GRIN2A: variants seen among roughly 807,000 people sequenced by gnomAD.
GRIN2A encodes the protein glutamate ionotropic receptor NMDA type subunit 2A, also known as glutamate receptor ionotropic, NMDA 2A.
In GRIN2A, 22 loss-of-function variants were observed where a neutral mutation model predicts 113.4. The ratio of observed to expected loss-of-function variants is 0.19; its 90% confidence interval spans 0.14 to 0.28. The LOEUF is 0.28. GRIN2A is among the 10% of genes least tolerant of loss of function. The pLI is 1.00. For synonymous variants in GRIN2A, 827 were observed against 738.4 expected (o/e 1.12, Z -1.94); for missense variants, 1,502 against 1,887.0 (o/e 0.80, Z 3.78).
chr16:10,029,864 C>T (rs781210782), intron 2 of GRIN2A, among the ~76,000 whole-genome samples: 14 of 151,904 alleles, frequency 9.2e-5, no homozygotes, highest in Non-Finnish European at 2.1e-4. Flanking sequence ...AGGTGTGGTG[C>T]TGCATGCCTG....
chr16:9,881,684 A>C (rs2043483862), intron 4 of GRIN2A, among the ~76,000 whole-genome samples: 1 of 152,174 alleles, frequency 6.6e-6, no homozygotes, highest in Admixed American at 6.5e-5. Context: ...TCTGCTATTG[A>C]ATACCAGAGA....
intron 5 of GRIN2A, among the ~76,000 whole-genome samples, chr16:9,847,958 T>C (rs2042805439): frequency 6.8e-6 from 1 of 146,516 alleles, no homozygotes; most frequent in South Asian, 2.1e-4. Context: ...TTATATATGT[T>C]TAACATGAAA....
At chr16:9,969,768 G>C (rs1284475583) in intron 2 of GRIN2A, among the ~76,000 whole-genome samples, 1 of 152,212 alleles carries the variant, frequency 6.6e-6, no homozygotes, top group East Asian at 1.9e-4. Flanking sequence ...AGTGGGTAAA[G>C]ACCAGGGTTG....
At chr16:9,866,776 C>CA (rs375191732) in intron 4 of GRIN2A, among the ~76,000 whole-genome samples, 3 of 152,200 alleles carry the variant, frequency 2.0e-5, no homozygotes, top group African/African-American at 7.2e-5. Context: ...CTCCACTGAC[C>CA]ACCTCCAGTC....
Position 9,761,943 on chromosome 16 carries a change from C to G in GRIN2A, c.*1206G>C, listed in dbSNP as rs558843603. The G allele has an allele frequency of 2.0e-5, 4 of 203,202 alleles. No individual in the cohort carries two copies. Among genetic ancestry groups the G allele is most frequent in the South Asian group, 3.8e-4 (2 of 5,274 alleles). The allele number at this position is 203,202 out of a possible 1,614,324, so 12.6% of individuals were successfully genotyped here. On this transcript the variant is annotated 3_prime_UTR_variant, in exon 13 of 13. Transcript: ENST00000330684. ...AGTTTGGAGGATACTCAGGGTAGAT[C>G]CAAGAGTGCCTCGTGTTTTGAAGGC...
At chr16:9,838,608 G>T (rs544012986) in intron 7 of GRIN2A, among the ~76,000 whole-genome samples, 2 of 152,164 alleles carry the variant, frequency 1.3e-5, no homozygotes, top group Middle Eastern at 3.4e-3. Flanking sequence ...GCTGAATAAA[G>T]GTTTATGGGC....
chr16:9,880,924 G>A (rs1032589505), intron 4 of GRIN2A, among the ~76,000 whole-genome samples: 1 of 152,064 alleles, frequency 6.6e-6, no homozygotes, highest in Non-Finnish European at 1.5e-5. Flanking sequence ...CTGCAGTTAC[G>A]AGCATCTCTT....
intron 2 of GRIN2A, among the ~76,000 whole-genome samples, chr16:9,973,650 A>G (rs1240721015): frequency 6.6e-6 from 1 of 152,226 alleles, no homozygotes; most frequent in Non-Finnish European, 1.5e-5. Flanking sequence ...AAATCAAAAG[A>G]AAGAAAATCT....
intron 2 of GRIN2A, among the ~76,000 whole-genome samples, chr16:10,068,700 G>A (rs2142024159): frequency 6.6e-6 from 1 of 152,332 alleles, no homozygotes; most frequent in Admixed American, 6.5e-5. Context: ...AATGTATTGG[G>A]AGAGGCAGAT....
chr16:9,802,294 C>G (rs1903410833), intron 10 of GRIN2A, among the ~76,000 whole-genome samples: 1 of 152,094 alleles, frequency 6.6e-6, no homozygotes. Flanking sequence ...TCAATCAAAC[C>G]CACCAGTGAC....
intron 2 of GRIN2A, among the ~76,000 whole-genome samples, chr16:10,052,490 C>T (rs1336313046): frequency 6.6e-6 from 1 of 152,174 alleles, no homozygotes; most frequent in Non-Finnish European, 1.5e-5. Flanking sequence ...AGGCCCTGTC[C>T]TTAAGGAATC....
chr16:9,993,131 G>C (rs1417502175), intron 2 of GRIN2A, among the ~76,000 whole-genome samples: 1 of 152,096 alleles, frequency 6.6e-6, no homozygotes, highest in Non-Finnish European at 1.5e-5. Flanking sequence ...TCCTCGGGAG[G>C]CTGAGGCCCA....
At chr16:9,921,617 A>G (rs866653705) in intron 3 of GRIN2A, among the ~76,000 whole-genome samples, 2 of 152,252 alleles carry the variant, frequency 1.3e-5, no homozygotes, top group South Asian at 2.1e-4. Context: ...CTAGATCAGA[A>G]TAAGTGCTGT....
chr16:9,902,007 G>C (rs1316316307), intron 3 of GRIN2A, among the ~76,000 whole-genome samples: 1 of 152,078 alleles, frequency 6.6e-6, no homozygotes, highest in African/African-American at 2.4e-5. Flanking sequence ...CTCACCCAAA[G>C]AACTAAGTGC....
chr16:9,789,571 CACACACACACACACACACAA>C (rs1902469030), intron 11 of GRIN2A, among the ~76,000 whole-genome samples: 4 of 61,166 alleles, frequency 6.5e-5, no homozygotes, highest in African/African-American at 2.4e-4. Flanking sequence ...CACACACACA[CACACACACACACACACACAA>C]ACACATAAAT....
intron 2 of GRIN2A, among the ~76,000 whole-genome samples, chr16:10,143,065 G>A (rs143477102): frequency 1.0e-3 from 152 of 152,254 alleles, no homozygotes; most frequent in Admixed American, 2.8e-3. Flanking sequence ...TAGATTTGCC[G>A]GTCTTAATTG....
intron 11 of GRIN2A, among the ~76,000 whole-genome samples, chr16:9,776,045 G>A (rs1901581735): frequency 6.6e-6 from 1 of 152,276 alleles, no homozygotes; most frequent in Non-Finnish European, 1.5e-5. Context: ...TGCAGTGACT[G>A]GGAGAAACGC....
chr16:10,137,344 G>A (rs904737895), intron 2 of GRIN2A, among the ~76,000 whole-genome samples: 2 of 152,200 alleles, frequency 1.3e-5, no homozygotes, highest in African/African-American at 2.4e-5. Context: ...TGGATTGAAA[G>A]CAGGCCTGAC....
In GRIN2A at chr16:9,951,403, C is replaced by A. The variant is rs57743748; in HGVS notation, c.415-12852G>T. Among the ~76,000 whole-genome samples, 1,170 of 152,338 alleles carry A rather than the reference C, an allele frequency of 7.7e-3. 15 individuals carry two copies. The highest frequency in any genetic ancestry group is 0.027 in the African/African-American group (1,117 of 41,582). On this transcript the variant is annotated intron_variant, in intron 2 of 12. Transcript: ENST00000330684. ...CAGACCAAATACAGAATATCATCTG[C>A]CCCTTTAACAGAGCAACGCTAAATT...
Sources: gnomAD v4.1 joint callset for allele counts (sites outside exome capture counted in the v4.1 genomes callset) on GRCh38, gnomAD v4.1.1 for gene constraint, MANE v1.5 for transcripts, NCBI Gene and HGNC (gene_info 2026-07-23, HGNC 2026-07-21) for gene names.